The following CRYZL1 variants were observed in gnomAD, a reference collection of about 807,000 sequenced individuals.
The protein encoded by CRYZL1 is crystallin zeta like 1.
A neutral mutation model predicts 50.6 loss-of-function variants in CRYZL1; 34 were observed. That is an observed-to-expected ratio of 0.67 (90% CI 0.51 to 0.89). The LOEUF (loss-of-function observed/expected upper bound fraction) is 0.89, where lower values mean the gene tolerates loss of function less well. CRYZL1 is among the 40% of genes least tolerant of loss of function. The pLI is 0.00. For missense variants in CRYZL1, 354 were observed against 402.3 expected (o/e 0.88, Z 1.03); for synonymous variants, 125 against 134.3 (o/e 0.93, Z 0.48).
intron 6 of CRYZL1, among the ~76,000 whole-genome samples, chr21:33,611,288 C>T (rs1027553751): frequency 6.6e-6 from 1 of 152,140 alleles, no homozygotes; most frequent in African/African-American, 2.4e-5. Context: ...CTTTATCTTT[C>T]AAAGGAAGAC....
In CRYZL1 at chr21:33,589,388, A is replaced by C. The variant is rs901030058; in HGVS notation, c.*434T>G. The C allele has an allele frequency of 3.7e-4, 73 of 197,734 alleles. No homozygotes were observed. The highest frequency in any genetic ancestry group is 7.0e-5 in the Non-Finnish European group (7 of 99,336). 12.2% of individuals were successfully genotyped at this position (197,734 alleles called of 1,614,324 possible). ...CTTTTAAGACTTCAAAATATACTCA[A>C]ATGCTTAAATTATGACAGCAAAGAC... On this transcript the variant is annotated 3_prime_UTR_variant, in exon 13 of 13. Coordinates refer to ENST00000381554, the MANE Select transcript of CRYZL1 (RefSeq NM_145858.3).
intron 4 of CRYZL1, among the ~76,000 whole-genome samples, chr21:33,619,002 C>T (rs1393680854): frequency 6.6e-6 from 1 of 152,166 alleles, no homozygotes; most frequent in Non-Finnish European, 1.5e-5. Flanking sequence ...ATAGATCTCT[C>T]ACCCTTGAGC....
intron 4 of CRYZL1, among the ~76,000 whole-genome samples, chr21:33,621,102 T>C (rs2086994438): frequency 6.7e-6 from 1 of 148,532 alleles, no homozygotes; most frequent in African/African-American, 2.5e-5. Context: ...AGACAGGGTT[T>C]CACCGTGTTA....
At chr21:33,622,408 A>C (rs2087013338) in intron 3 of CRYZL1, among the ~76,000 whole-genome samples, 1 of 152,156 alleles carries the variant, frequency 6.6e-6, no homozygotes, top group African/African-American at 2.4e-5. Context: ...CAGTCATCTT[A>C]CTCAGGTGAA....
intron 11 of CRYZL1, chr21:33,594,359 C>T (rs571884685): frequency 3.0e-4 from 46 of 151,348 alleles, no homozygotes; most frequent in African/African-American, 9.9e-4. Context: ...GACGGGGTTT[C>T]ATCATGTTAG....
Position 33,631,360 on chromosome 21 carries a change from A to C in CRYZL1, c.66+126T>G, listed in dbSNP as rs2145959159. 3 of 564,254 alleles carry C rather than the reference A, an allele frequency of 5.3e-6. No homozygotes were observed. In the South Asian group the frequency reaches 8.1e-5, roughly 15 times the overall value. The allele number at this position is 564,254 out of a possible 1,614,324, so 35.0% of individuals were successfully genotyped here. On this transcript the variant is annotated intron_variant, in intron 2 of 12. Coordinates refer to ENST00000381554, the MANE Select transcript of CRYZL1 (RefSeq NM_145858.3). ...CATAAAATTTAAAGGAAAGTACTGT[A>C]ATTTGAGGAGTTTCATTTGAGTAAT...
chr21:33,596,082 GGT>G (rs1201411978), intron 10 of CRYZL1: 139 of 608,468 alleles, frequency 2.3e-4, no homozygotes, highest in East Asian at 4.0e-4. Context: ...AAGTGGTAGG[GGT>G]GTGTGTGTGT....
intron 11 of CRYZL1, chr21:33,594,706 A>C (rs1011297874): frequency 7.3e-6 from 1 of 136,856 alleles, no homozygotes; most frequent in African/African-American, 2.7e-5. Context: ...GTAGTAGTGC[A>C]ATCTTGGCTC....
In CRYZL1 at chr21:33,595,118, T is replaced by C. The variant is rs564444711; in HGVS notation, c.904+613A>G. 1.1e-4 allele frequency: 110 copies of C among 1,016,080 alleles called. No homozygotes were observed. In the African/African-American group the frequency reaches 1.8e-3, roughly 17 times the overall value. The allele number at this position is 1,016,080 out of a possible 1,614,324, so 62.9% of individuals were successfully genotyped here. A position where few individuals can be genotyped will look rare whatever the true frequency, so the allele number is the denominator to read the frequency against. ...TCTAAAGAGGTTTGCACCTTTCTTTTTGAAATTGTTTGTATATTCCAAACT... is the reference window on the plus strand; with the variant it reads ...TCTAAAGAGGTTTGCACCTTTCTTTCTGAAATTGTTTGTATATTCCAAACT... On this transcript the variant is annotated intron_variant, in intron 11 of 12. Transcript: ENST00000381554.
chr21:33,627,359 A>G (rs1481201152), intron 2 of CRYZL1, among the ~76,000 whole-genome samples: 1 of 152,006 alleles, frequency 6.6e-6, no homozygotes, highest in Non-Finnish European at 1.5e-5. Context: ...TCAGCCTCCC[A>G]AAGTGCTGGG....
At chr21:33,593,063 A>G (rs931955390) in intron 11 of CRYZL1, among the ~76,000 whole-genome samples, 5 of 152,064 alleles carry the variant, frequency 3.3e-5, no homozygotes, top group South Asian at 2.1e-4. Flanking sequence ...AAAAAAAAAA[A>G]AAAGAAAGAA....
At chr21:33,601,695 T>C (rs1428315791) in intron 8 of CRYZL1, among the ~76,000 whole-genome samples, 3 of 152,172 alleles carry the variant, frequency 2.0e-5, no homozygotes, top group African/African-American at 7.2e-5. Flanking sequence ...GGTGGGTGCA[T>C]TGCTTGAGCT....
intron 12 of CRYZL1, among the ~76,000 whole-genome samples, chr21:33,590,614 C>A (rs2086634852): frequency 6.6e-6 from 1 of 152,080 alleles, no homozygotes; most frequent in Middle Eastern, 3.4e-3. Flanking sequence ...CAGTGTTTTG[C>A]CATGTTGGCC....
intron 2 of CRYZL1, among the ~76,000 whole-genome samples, chr21:33,629,563 T>A (rs2087113989): frequency 6.6e-6 from 1 of 152,216 alleles, no homozygotes; most frequent in South Asian, 2.1e-4. Flanking sequence ...ATGCCCAGCC[T>A]CCTACTGATT....
At chr21:33,632,305 C>A (rs2087148501) in intron 1 of CRYZL1, among the ~76,000 whole-genome samples, 1 of 151,938 alleles carries the variant, frequency 6.6e-6, no homozygotes, top group Admixed American at 6.6e-5. Flanking sequence ...GCACTTCAGC[C>A]TGGGGAACAA....
chr21:33,628,388 T>C (rs2087094478), intron 2 of CRYZL1, among the ~76,000 whole-genome samples: 2 of 152,180 alleles, frequency 1.3e-5, no homozygotes, highest in African/African-American at 2.4e-5. Flanking sequence ...ATTGAGTCTG[T>C]AGAGGGCTTT....
intron 2 of CRYZL1, 82 bp downstream of exon 2, chr21:33,631,404 C>T (rs781103662): frequency 9.9e-7 from 1 of 1,005,142 alleles, no homozygotes; most frequent in Non-Finnish European, 1.4e-6. Flanking sequence ...TTAAGTCTCA[C>T]TGAAAATAAC....
At chr21:33,636,465 G>T (rs990542784) in intron 1 of CRYZL1, among the ~76,000 whole-genome samples, 12 of 152,148 alleles carry the variant, frequency 7.9e-5, no homozygotes, top group African/African-American at 1.9e-4. Flanking sequence ...AGGTATATCA[G>T]AATTTCAAAA....
At chr21:33,607,040 C>T (rs922667371) in intron 6 of CRYZL1, among the ~76,000 whole-genome samples, 31 of 151,626 alleles carry the variant, frequency 2.0e-4, no homozygotes, top group African/African-American at 5.8e-4. Context: ...CAAATAAATG[C>T]GAGCCATATT....
Sources: gnomAD v4.1 joint callset for allele counts (sites outside exome capture counted in the v4.1 genomes callset) on GRCh38, gnomAD v4.1.1 for gene constraint, MANE v1.5 for transcripts, NCBI Gene and HGNC (gene_info 2026-07-23, HGNC 2026-07-21) for gene names.